The following COMMD9 variants were observed in gnomAD, a reference collection of about 807,000 sequenced individuals.
The protein encoded by COMMD9 is COMM domain containing 9, also known as COMM domain-containing protein 9.
In COMMD9, 22 loss-of-function variants were observed where a neutral mutation model predicts 23.4. That is an observed-to-expected ratio of 0.94 (90% CI 0.67 to 1.34). COMMD9 has a LOEUF of 1.34. Ranked by LOEUF, COMMD9 falls within the 40% of genes most tolerant of loss-of-function variation. The pLI is 0.00. For synonymous variants in COMMD9, 99 were observed against 97.4 expected (o/e 1.02, Z -0.10); for missense variants, 231 against 240.2 (o/e 0.96, Z 0.25).
intron 1 of COMMD9, among the ~76,000 whole-genome samples, chr11:36,288,923 G>A (rs187273193): frequency 3.3e-5 from 5 of 152,274 alleles, no homozygotes; most frequent in Non-Finnish European, 7.4e-5. Context: ...AAAGAGAGTA[G>A]GGAAAATCTG....
intron 1 of COMMD9, among the ~76,000 whole-genome samples, chr11:36,287,620 A>C (rs927214902): frequency 1.3e-5 from 2 of 152,082 alleles, no homozygotes; most frequent in East Asian, 3.9e-4. Context: ...ATTTTTTTAA[A>C]AAAAGAAAAG....
chr11:36,280,636 A>G (rs1468808808), intron 2 of COMMD9, 76 bp downstream of exon 2: 1 of 1,416,050 alleles, frequency 7.1e-7, no homozygotes, highest in Non-Finnish European at 9.5e-7. Context: ...TTCCTTGGAC[A>G]TGGCAATGAC....
intron 1 of COMMD9, 64 bp downstream of exon 1, chr11:36,289,298 C>G: frequency 6.7e-7 from 1 of 1,491,660 alleles, no homozygotes; most frequent in Non-Finnish European, 9.1e-7. Flanking sequence ...TTCCCAATTC[C>G]TGCTCCGTCT....
rs1044320975 is a variant in COMMD9, at chr11:36,274,180, G to A, written c.*452C>T. On this transcript the variant is annotated 3_prime_UTR_variant, in exon 6 of 6. Coordinates refer to ENST00000263401, the MANE Select transcript of COMMD9 (RefSeq NM_014186.4). ...GCTCTGCCTGGCTTCCCTGACAGAG[G>A]AGCAGGAACTGCTGGCATCACCTGT... 1 of 442,256 alleles carries A rather than the reference G, an allele frequency of 2.3e-6. No homozygotes were observed. The highest frequency in any genetic ancestry group is 2.0e-5 in the African/African-American group (1 of 49,962). 27.4% of individuals were successfully genotyped at this position (442,256 alleles called of 1,614,324 possible).
At chr11:36,278,374 T>C in intron 3 of COMMD9, 103 bp downstream of exon 3, 1 of 1,074,046 alleles carries the variant, frequency 9.3e-7, no homozygotes, top group South Asian at 1.4e-5. Context: ...TTATCCGGGC[T>C]TCCTAAGTTT....
chr11:36,278,141 G>A (rs1856005568), intron 3 of COMMD9: 1 of 226,728 alleles, frequency 4.4e-6, no homozygotes, highest in Non-Finnish European at 8.5e-6. Flanking sequence ...TGATATTGAA[G>A]GTAAACATTG....
chr11:36,277,020 A>G lies in COMMD9; in HGVS notation c.352+69T>C. On this transcript the variant is annotated intron_variant, in intron 4 of 5. Coordinates refer to ENST00000263401, the MANE Select transcript of COMMD9 (RefSeq NM_014186.4). Reference sequence around the variant, plus strand: ...TTGGTTTCTGCCAAAATCTCTGATCACTTGGCAGACTGAGAGCTGGGGCTG... The same window carrying G: ...TTGGTTTCTGCCAAAATCTCTGATCGCTTGGCAGACTGAGAGCTGGGGCTG... The G allele has an allele frequency of 2.2e-6, 3 of 1,373,532 alleles. No individual in the cohort carries two copies. In the South Asian group the frequency reaches 4.1e-5, roughly 19 times the overall value. The allele number at this position is 1,373,532 out of a possible 1,614,324, so 85.1% of individuals were successfully genotyped here.
At chr11:36,282,781 A>G (rs1856088494) in intron 1 of COMMD9, among the ~76,000 whole-genome samples, 1 of 152,248 alleles carries the variant, frequency 6.6e-6, no homozygotes, top group Admixed American at 6.5e-5. Flanking sequence ...AATGGGTCAC[A>G]TGATCACAGA....
chr11:36,278,718 T>C, intron 2 of COMMD9, 102 bp from the exon 3 acceptor site: 3 of 1,134,574 alleles, frequency 2.6e-6, no homozygotes, highest in Non-Finnish European at 1.2e-6. Context: ...GGCTGCACAC[T>C]GCTATGGTCA....
intron 5 of COMMD9, among the ~76,000 whole-genome samples, chr11:36,275,635 G>A (rs576881620): frequency 3.3e-5 from 5 of 152,124 alleles, no homozygotes; most frequent in Non-Finnish European, 5.9e-5. Context: ...GTAGAGATGC[G>A]GTTTCACCAT....
At chr11:36,287,016 C>G (rs1277122453) in intron 1 of COMMD9, among the ~76,000 whole-genome samples, 1 of 151,634 alleles carries the variant, frequency 6.6e-6, no homozygotes, top group African/African-American at 2.4e-5. Context: ...TTCCCCTATG[C>G]AGAACCATAC....
chr11:36,279,402 C>T (rs1245246687), intron 2 of COMMD9, among the ~76,000 whole-genome samples: 1 of 152,200 alleles, frequency 6.6e-6, no homozygotes, highest in Non-Finnish European at 1.5e-5. Context: ...CCTAAAAAAG[C>T]TCTCTGGAGG....
intron 3 of COMMD9, 30 bp from the exon 4 acceptor site, chr11:36,277,153 T>C: frequency 6.4e-7 from 1 of 1,558,738 alleles, no homozygotes. Context: ...GAGGAAAAAA[T>C]AATGGAAAGG....
rs775574032 is a variant in COMMD9 at position 36,274,696 on chromosome 11, A to G, written c.533T>C (p.Leu178Pro). 2 of 1,614,274 alleles carry G rather than the reference A, an allele frequency of 1.2e-6. No individual in the cohort carries two copies. Among genetic ancestry groups the G allele is most frequent in the Non-Finnish European group, 1.7e-6 (2 of 1,180,052 alleles). The change falls in exon 6 of 6, where the codon CTG (leucine) becomes CCG (proline). Residue 178 changes from leucine (L) to proline (P), a missense_variant. Physicochemically the swap from Leu to Pro is moderately conservative, Grantham distance 98. Coordinates refer to ENST00000263401, the MANE Select transcript of COMMD9 (RefSeq NM_014186.4). The part of the protein sequence containing the change: ...AVTVELSKET[L>P]DTMLDGLGRI... ...GCCCAGGCCATCTAACATGGTGTCC[A>G]GTGTTTCTTTGCTCAGCTCCACGGT...
At chr11:36,279,234 C>T (rs1856026201) in intron 2 of COMMD9, among the ~76,000 whole-genome samples, 1 of 152,240 alleles carries the variant, frequency 6.6e-6, no homozygotes, top group Non-Finnish European at 1.5e-5. Context: ...GAACAAACAG[C>T]TCCTGGCCGG....
chr11:36,282,726 G>A (rs557947918), intron 1 of COMMD9, among the ~76,000 whole-genome samples: 39 of 152,210 alleles, frequency 2.6e-4, no homozygotes, highest in Non-Finnish European at 5.3e-4. Flanking sequence ...GCTCTCCAGA[G>A]AGACGAAACC....
At chr11:36,284,040 A>T (rs1856109527) in intron 1 of COMMD9, among the ~76,000 whole-genome samples, 1 of 152,142 alleles carries the variant, frequency 6.6e-6, no homozygotes, top group Non-Finnish European at 1.5e-5. Context: ...TGGGAAGTAA[A>T]GGCTGCGGTG....
Position 36,273,765 on chromosome 11 carries a change from G to C in COMMD9, c.*867C>G, listed in dbSNP as rs1855919391. The stretch of plus-strand genomic sequence containing the variant: ...ATTACAGGCGTGAGCCATTGCGCCT[G>C]GCCACCTTGCTTCCTTTTGTTCTAC... On this transcript the variant is annotated 3_prime_UTR_variant, in exon 6 of 6. Transcript: ENST00000263401. 1 of 153,960 alleles carries C rather than the reference G, an allele frequency of 6.5e-6. No homozygotes were observed. The highest frequency in any genetic ancestry group is 6.4e-5 in the Admixed American group (1 of 15,600). The allele number at this position is 153,960 out of a possible 1,614,324, so 9.5% of individuals were successfully genotyped here. A position where few individuals can be genotyped will look rare whatever the true frequency, so the allele number is the denominator to read the frequency against.
In COMMD9 at chr11:36,273,114, G is replaced by C. The variant is rs1267031649; in HGVS notation, c.*1518C>G. Reference sequence around the variant, plus strand: ...CTACTATTATACTCATTTAATTTAGGAAAAAAGTACAAAGTGGGTGAAAAT... The same window carrying C: ...CTACTATTATACTCATTTAATTTAGCAAAAAAGTACAAAGTGGGTGAAAAT... On this transcript the variant is annotated 3_prime_UTR_variant, in exon 6 of 6. Coordinates refer to ENST00000263401, the MANE Select transcript of COMMD9 (RefSeq NM_014186.4). 6.6e-6 allele frequency: 1 copy of C among 152,022 alleles called. No homozygotes were observed. The highest frequency in any genetic ancestry group is 1.5e-5 in the Non-Finnish European group (1 of 68,018). The allele number at this position is 152,022 out of a possible 1,614,324, so 9.4% of individuals were successfully genotyped here. A position where few individuals can be genotyped will look rare whatever the true frequency, so the allele number is the denominator to read the frequency against.
Sources: gnomAD v4.1 joint callset for allele counts (sites outside exome capture counted in the v4.1 genomes callset) on GRCh38, gnomAD v4.1.1 for gene constraint, MANE v1.5 for transcripts, NCBI Gene and HGNC (gene_info 2026-07-23, HGNC 2026-07-21) for gene names.